Variants in RARB observed in about 807,000 individuals in gnomAD.
RARB encodes HBV-activated protein.
A neutral mutation model predicts 51.9 loss-of-function variants in RARB; 17 were observed. The observed-to-expected ratio is 0.33, with a 90% confidence interval of 0.22 to 0.49. The LOEUF (loss-of-function observed/expected upper bound fraction) is 0.49. Ranked by LOEUF, RARB falls within the 20% of genes least tolerant of loss-of-function variation. The pLI is 0.99. For missense variants in RARB, 369 were observed against 550.8 expected, an observed-to-expected ratio of 0.67 and a Z score of 3.30; for synonymous variants, 215 against 195.4, an observed-to-expected ratio of 1.10 and a Z score of -0.84.
At chr3:25,155,113 G>A (rs544900716) in intron 4 of RARB, among the ~76,000 whole-genome samples, 1 of 152,180 alleles carries the variant, frequency 6.6e-6, no homozygotes, top group African/African-American at 2.4e-5. Flanking sequence ...CTTTCCGTAT[G>A]CATTATATTC....
Position 25,597,272 on chromosome 3 carries a change from A to AAAT in RARB, c.*657_*659dup, listed in dbSNP as rs1241436062. 3.3e-5 allele frequency: 5 copies of AAAT among 152,634 alleles called. No individual in the cohort carries two copies. The highest frequency in any genetic ancestry group is 1.2e-4 in the African/African-American group (5 of 41,460). The allele number at this position is 152,634 out of a possible 1,614,324, so 9.5% of individuals were successfully genotyped here. A position where few individuals can be genotyped will look rare whatever the true frequency, so the allele number is the denominator to read the frequency against. ...TTCATGTTGCCCAGTAAAAGTATAC[A>AAAT]AATTCCCTGCACTAGCAGAAGAGAA... On this transcript the variant is annotated 3_prime_UTR_variant, in exon 8 of 8. Coordinates refer to ENST00000330688, the MANE Select transcript of RARB (RefSeq NM_000965.5).
intron 5 of RARB, among the ~76,000 whole-genome samples, chr3:25,317,183 T>C (rs567241459): frequency 6.6e-6 from 1 of 152,322 alleles, no homozygotes; most frequent in African/African-American, 2.4e-5. Context: ...TTCTTTGTGT[T>C]CTTGGTGCCC....
At chr3:25,099,900 G>C (rs1457744239) in intron 3 of RARB, among the ~76,000 whole-genome samples, 2 of 152,166 alleles carry the variant, frequency 1.3e-5, no homozygotes, top group African/African-American at 4.8e-5. Context: ...AGACATTAGT[G>C]ACTGTTCGTA....
intron 4 of RARB, among the ~76,000 whole-genome samples, chr3:25,578,157 C>T (rs374888540): frequency 6.6e-6 from 1 of 152,236 alleles, no homozygotes; most frequent in East Asian, 1.9e-4. Flanking sequence ...TCCCCACAGC[C>T]GCCTTCATTA....
chr3:25,050,988 A>G (rs1280545762), intron 2 of RARB, among the ~76,000 whole-genome samples: 1 of 152,122 alleles, frequency 6.6e-6, no homozygotes, highest in Non-Finnish European at 1.5e-5. Context: ...ATTTGACATC[A>G]TTCATTTACT....
At chr3:25,366,409 A>G (rs1706121526) in intron 5 of RARB, among the ~76,000 whole-genome samples, 1 of 152,244 alleles carries the variant, frequency 6.6e-6, no homozygotes, top group African/African-American at 2.4e-5. Flanking sequence ...AGGAAACAAC[A>G]TCCGCACAAC....
intron 3 of RARB, among the ~76,000 whole-genome samples, chr3:25,518,674 C>G (rs1698278917): frequency 6.6e-6 from 1 of 152,118 alleles, no homozygotes; most frequent in Admixed American, 6.5e-5. Context: ...ATTTCAAATT[C>G]TATACTTTAA....
At chr3:25,092,555 CCT>C (rs1699218024) in intron 3 of RARB, among the ~76,000 whole-genome samples, 1 of 152,044 alleles carries the variant, frequency 6.6e-6, no homozygotes, top group Non-Finnish European at 1.5e-5. Flanking sequence ...TAACTCCAGC[CCT>C]CTCCCCACAC....
intron 3 of RARB, among the ~76,000 whole-genome samples, chr3:25,099,615 T>TAAAAAAAAA (rs10540610): frequency 1.4e-5 from 2 of 142,546 alleles, no homozygotes; most frequent in Non-Finnish European, 3.0e-5. Context: ...TTTCAGGATT[T>TAAAAAAAAA]AAAAAAAAAA....
intron 2 of RARB, among the ~76,000 whole-genome samples, chr3:24,928,652 T>A (rs1394934774): frequency 6.6e-6 from 1 of 152,092 alleles, no homozygotes; most frequent in African/African-American, 2.4e-5. Flanking sequence ...TGTCTGCTTA[T>A]GCTTTTCAAG....
intron 3 of RARB, among the ~76,000 whole-genome samples, chr3:25,123,489 C>G (rs565702415): frequency 3.0e-4 from 46 of 152,326 alleles, no homozygotes; most frequent in African/African-American, 1.0e-3. Flanking sequence ...ACACATGTAT[C>G]TCTTTCACAC....
At chr3:24,910,137 C>T (rs1229011118) in intron 2 of RARB, among the ~76,000 whole-genome samples, 1 of 152,130 alleles carries the variant, frequency 6.6e-6, no homozygotes, top group Non-Finnish European at 1.5e-5. Context: ...CAGTCTGACT[C>T]TTCCTTTTTT....
chr3:25,094,158 CAT>C (rs911793938), intron 3 of RARB, among the ~76,000 whole-genome samples: 1 of 152,112 alleles, frequency 6.6e-6, no homozygotes, highest in African/African-American at 2.4e-5. Context: ...TGAATCTTCA[CAT>C]GTTTACAGTT....
intron 5 of RARB, among the ~76,000 whole-genome samples, chr3:25,397,081 T>C (rs545629817): frequency 2.6e-5 from 4 of 152,268 alleles, no homozygotes; most frequent in African/African-American, 9.6e-5. Flanking sequence ...GCCCAGGAAG[T>C]TGAAATTATT....
chr3:24,912,556 G>A (rs1695012457), intron 2 of RARB, among the ~76,000 whole-genome samples: 1 of 152,136 alleles, frequency 6.6e-6, no homozygotes, highest in Non-Finnish European at 1.5e-5. Context: ...GGAAGATGCA[G>A]TTCAGCTTAA....
intron 5 of RARB, among the ~76,000 whole-genome samples, chr3:25,249,566 A>ATT (rs145836613): frequency 1.3e-5 from 2 of 150,696 alleles, no homozygotes; most frequent in East Asian, 2.0e-4. Context: ...GCTTCTTTCA[A>ATT]TTTTTTTTAA....
At chr3:25,172,509 AG>A (rs1410891845) in intron 4 of RARB, among the ~76,000 whole-genome samples, 5 of 152,234 alleles carry the variant, frequency 3.3e-5, no homozygotes, top group Non-Finnish European at 7.3e-5. Flanking sequence ...AGAACATTGT[AG>A]GGTTTATAAG....
chr3:25,423,649 CTTTGAA>C (rs1181003436), upstream of RARB, among the ~76,000 whole-genome samples: 1 of 152,000 alleles, frequency 6.6e-6, no homozygotes. Context: ...TTGGACAAGA[CTTTGAA>C]TTTTTATGAG....
chr3:25,298,742 G>A (rs765166306), intron 5 of RARB, among the ~76,000 whole-genome samples: 41 of 152,272 alleles, frequency 2.7e-4, no homozygotes, highest in Non-Finnish European at 5.4e-4. Flanking sequence ...AGGGGGTTGA[G>A]GATGAGAATT....
Sources: gnomAD v4.1 joint callset for allele counts (sites outside exome capture counted in the v4.1 genomes callset) on GRCh38, gnomAD v4.1.1 for gene constraint, MANE v1.5 for transcripts, NCBI Gene and HGNC (gene_info 2026-07-23, HGNC 2026-07-21) for gene names.